Variants in TTC28 observed in about 807,000 individuals in gnomAD.
The protein encoded by TTC28 is tetratricopeptide repeat protein 28.
In TTC28, 61 loss-of-function variants were observed where a neutral mutation model predicts 198.0. That is an observed-to-expected ratio of 0.31 (90% CI 0.25 to 0.38). TTC28 has a LOEUF of 0.38. Among genes scored for constraint, TTC28 ranks in the 10% least tolerant of loss-of-function variants. TTC28 has a pLI of 1.00. For missense variants in TTC28, 2,678 were observed against 3,164.0 expected (o/e 0.85, Z 3.69); for synonymous variants, 1,171 against 1,297.8 (o/e 0.90, Z 2.10).
chr22:28,552,510 G>A (rs1395973995), intron 2 of TTC28, among the ~76,000 whole-genome samples: 1 of 152,092 alleles, frequency 6.6e-6, no homozygotes, highest in African/African-American at 2.4e-5. Context: ...AAAACAGCCT[G>A]GTACTGGTAT....
At chr22:28,332,389 A>T (rs1361211733) in intron 2 of TTC28, among the ~76,000 whole-genome samples, 1 of 152,096 alleles carries the variant, frequency 6.6e-6, no homozygotes, top group Non-Finnish European at 1.5e-5. Flanking sequence ...ACAAGTTCTG[A>T]ATTTCTCACA....
chr22:28,334,171 G>A (rs2045666259), intron 2 of TTC28, among the ~76,000 whole-genome samples: 1 of 151,968 alleles, frequency 6.6e-6, no homozygotes, highest in African/African-American at 2.4e-5. Flanking sequence ...TCCCTACAAA[G>A]GACATGAACT....
intron 5 of TTC28, among the ~76,000 whole-genome samples, chr22:28,219,402 G>A (rs571658569): frequency 2.0e-5 from 3 of 152,026 alleles, no homozygotes; most frequent in East Asian, 1.9e-4. Flanking sequence ...CCAGCTACTC[G>A]GGAGGCTGAG....
intron 12 of TTC28, among the ~76,000 whole-genome samples, chr22:28,067,700 T>A (rs1174993150): frequency 2.6e-5 from 4 of 152,124 alleles, no homozygotes; most frequent in Admixed American, 2.6e-4. Context: ...AATAAATGGG[T>A]TAAAAATGAA....
In TTC28 at chr22:28,091,562, G is replaced by A. The variant is rs924793249; in HGVS notation, c.3932+2518C>T. Among the ~76,000 whole-genome samples the A allele has an allele frequency of 8.5e-5, 13 of 152,116 alleles. No individual in the cohort carries two copies. In the East Asian group the frequency reaches 9.6e-4, roughly 11 times the overall value. On this transcript the variant is annotated intron_variant, in intron 12 of 22. Transcript: ENST00000397906. Reference sequence around the variant, plus strand: ...AGGGAAAGGTAGCAGGGCAGACTCCGGCAGTGCCCATTTCTAATACTATCG... The same window carrying A: ...AGGGAAAGGTAGCAGGGCAGACTCCAGCAGTGCCCATTTCTAATACTATCG...
intron 5 of TTC28, among the ~76,000 whole-genome samples, chr22:28,223,600 A>C (rs772504412): frequency 3.3e-5 from 5 of 152,198 alleles, no homozygotes; most frequent in Non-Finnish European, 5.9e-5. Context: ...TTATAGCCTG[A>C]ACTTCCCAAA....
chr22:28,168,141 A>G (rs1922234019), intron 5 of TTC28, among the ~76,000 whole-genome samples: 1 of 152,226 alleles, frequency 6.6e-6, no homozygotes, highest in Non-Finnish European at 1.5e-5. Flanking sequence ...TTCAAGGAGA[A>G]CTACAAACCA....
intron 2 of TTC28, among the ~76,000 whole-genome samples, chr22:28,494,310 G>A (rs952428752): frequency 2.0e-5 from 3 of 152,108 alleles, no homozygotes. Context: ...TAACTGGGAG[G>A]CCATCAATCT....
At chr22:28,025,355 A>C (rs1384530827) in intron 13 of TTC28, among the ~76,000 whole-genome samples, 2 of 152,218 alleles carry the variant, frequency 1.3e-5, no homozygotes, top group Non-Finnish European at 2.9e-5. Flanking sequence ...AAGCAAACGT[A>C]AAAAGCTCAA....
intron 5 of TTC28, among the ~76,000 whole-genome samples, chr22:28,198,009 A>T (rs1406344403): frequency 6.6e-6 from 1 of 152,208 alleles, no homozygotes; most frequent in Non-Finnish European, 1.5e-5. Context: ...CACCATGATG[A>T]AAATGGAGTG....
chr22:28,107,556 T>C lies in TTC28; in HGVS notation c.2289A>G (p.Ala763=), dbSNP rs889856268. Residue 763 remains alanine, a synonymous_variant, in exon 7 of 23, where the codon GCA becomes GCG. Coordinates refer to ENST00000397906, the MANE Select transcript of TTC28 (RefSeq NM_001145418.2). ...EASAYAALGT[A]YRMIQKYDKA... ...TGTCATACTTCTGGATCATTCGGTA[T>C]GCAGTGCCCAGGGCTGCATATGCAC... 4 of 1,551,752 alleles carry C rather than the reference T, an allele frequency of 2.6e-6. No individual in the cohort carries two copies. The highest frequency in any genetic ancestry group is 2.7e-5 in the African/African-American group (2 of 73,058).
intron 13 of TTC28, among the ~76,000 whole-genome samples, chr22:28,022,188 CCCTCATCTG>C: frequency 6.6e-6 from 1 of 152,218 alleles, no homozygotes; most frequent in East Asian, 1.9e-4. Context: ...AGGCCCTGAA[CCCTCATCTG>C]CCTCATCTGG....
At chr22:28,445,274 T>C (rs2047685784) in intron 2 of TTC28, among the ~76,000 whole-genome samples, 2 of 152,206 alleles carry the variant, frequency 1.3e-5, no homozygotes, top group South Asian at 4.1e-4. Context: ...TAAGTCCTTA[T>C]GCTGGAGAAA....
Position 28,030,309 on chromosome 22 carries a change from A to C in TTC28, c.3990T>G (p.Phe1330Leu). The C allele has an allele frequency of 1.9e-6, 3 of 1,551,812 alleles. No homozygotes were observed. The highest frequency in any genetic ancestry group is 2.6e-6 in the Non-Finnish European group (3 of 1,147,026). ...SEAGDIMDQQ[F>L]EEMNNKLNSV... ...AGTTGAGTTTGTTGTTCATCTCTTCAAATTGCTGGTCCATGATGTCTCCCG... is the reference window on the plus strand; with the variant it reads ...AGTTGAGTTTGTTGTTCATCTCTTCCAATTGCTGGTCCATGATGTCTCCCG... Residue 1330 changes from phenylalanine (F) to leucine (L), a missense_variant, in exon 13 of 23, where the codon TTT (phenylalanine) becomes TTG (leucine). Phe to Leu is a conservative substitution (Grantham distance 22). Coordinates refer to ENST00000397906, the MANE Select transcript of TTC28 (RefSeq NM_001145418.2).
intron 6 of TTC28, among the ~76,000 whole-genome samples, chr22:28,129,278 G>A (rs1226677534): frequency 6.6e-6 from 1 of 152,176 alleles, no homozygotes; most frequent in African/African-American, 2.4e-5. Context: ...TAGACACTGG[G>A]ATTGCTGAGA....
chr22:28,256,212 A>C lies in TTC28; in HGVS notation c.933+39986T>G, dbSNP rs149270817. ...TGAGGCAGGCAGATCACCTGAGGTCAGGAGTTCGAGACCAGCCTGGACAAC... is the reference window on the plus strand; with the variant it reads ...TGAGGCAGGCAGATCACCTGAGGTCCGGAGTTCGAGACCAGCCTGGACAAC... On this transcript the variant is annotated intron_variant, in intron 5 of 22. Transcript: ENST00000397906. Among the ~76,000 whole-genome samples, 381 of 152,130 alleles carry C rather than the reference A, an allele frequency of 2.5e-3. 9 individuals are homozygous for C. The East Asian group carries it at 0.061, about 24-fold the overall frequency.
chr22:28,584,029 T>G lies in TTC28; in HGVS notation c.381+45523A>C, dbSNP rs941234120. On this transcript the variant is annotated intron_variant, in intron 2 of 22. Transcript: ENST00000397906. ...TTGTTTTGTTTTGTTTTTTTTTTTTTTTTTGGCACAATCATAGACAGCTGA... is the reference window on the plus strand; with the variant it reads ...TTGTTTTGTTTTGTTTTTTTTTTTTGTTTTGGCACAATCATAGACAGCTGA... Among the ~76,000 whole-genome samples, 773 of 150,698 alleles carry G rather than the reference T, an allele frequency of 5.1e-3. 6 individuals are homozygous for G. Among genetic ancestry groups the G allele is most frequent in the Non-Finnish European group, 6.5e-3 (437 of 67,668 alleles).
At chr22:28,554,762 T>C (rs1180166718) in intron 2 of TTC28, among the ~76,000 whole-genome samples, 1 of 151,922 alleles carries the variant, frequency 6.6e-6, no homozygotes, top group Admixed American at 6.6e-5. Context: ...TCCCAGCTAC[T>C]AGGGAGGCTG....
intron 13 of TTC28, among the ~76,000 whole-genome samples, chr22:28,029,861 C>G (rs547044043): frequency 6.6e-6 from 1 of 152,202 alleles, no homozygotes; most frequent in African/African-American, 2.4e-5. Flanking sequence ...GTACCTGGCC[C>G]AGGAGTTACC....
Sources: allele counts gnomAD v4.1 joint callset (sites outside exome capture counted in the v4.1 genomes callset), GRCh38; gene constraint gnomAD v4.1.1; transcripts MANE v1.5; gene names NCBI Gene and HGNC (gene_info 2026-07-23, HGNC 2026-07-21).